Variants in ITGB5 observed in about 807,000 individuals in gnomAD.
ITGB5 encodes the protein integrin beta-5.
A neutral mutation model predicts 84.8 loss-of-function variants in ITGB5; 38 were observed. That is an observed-to-expected ratio of 0.45 (90% CI 0.35 to 0.59). The LOEUF is 0.59. ITGB5 is among the 20% of genes least tolerant of loss of function. The probability of loss-of-function intolerance (pLI) is 0.01; values close to 1 mark genes in which losing one functional copy is unlikely to be tolerated. For missense variants in ITGB5, 905 were observed against 1,034.5 expected (o/e 0.87, Z 1.72); for synonymous variants, 393 against 414.4 (o/e 0.95, Z 0.63).
chr3:124,791,628 A>AATC (rs1247376495), intron 10 of ITGB5: 4 of 152,324 alleles, frequency 2.6e-5, no homozygotes, highest in African/African-American at 7.2e-5. Flanking sequence ...CCCCACTCTG[A>AATC]AGACAGACCA....
chr3:124,816,819 G>A (rs2064605059), intron 8 of ITGB5, among the ~76,000 whole-genome samples: 1 of 152,144 alleles, frequency 6.6e-6, no homozygotes, highest in East Asian at 1.9e-4. Context: ...TTATATTAGG[G>A]CCAATTTCAC....
chr3:124,813,422 ACAGGTGAAGGG>A (rs1438176828), intron 8 of ITGB5, among the ~76,000 whole-genome samples: 1 of 152,112 alleles, frequency 6.6e-6, no homozygotes, highest in Non-Finnish European at 1.5e-5. Flanking sequence ...GTCAGGTCCC[ACAGGTGAAGGG>A]CTCAGCCCAC....
At chr3:124,886,259 T>C (rs540078299) in intron 1 of ITGB5, among the ~76,000 whole-genome samples, 1 of 149,878 alleles carries the variant, frequency 6.7e-6, no homozygotes, top group Non-Finnish European at 1.5e-5. Flanking sequence ...AGGAATTTAA[T>C]AGGGAAGTCC....
upstream of ITGB5, among the ~76,000 whole-genome samples, chr3:124,889,589 CATGTTTGTTTTG>C (rs1454662655): frequency 6.6e-6 from 1 of 152,190 alleles, no homozygotes; most frequent in African/African-American, 2.4e-5. Context: ...ATAATATCCT[CATGTTTGTTTTG>C]ATGTAAAACG....
chr3:124,786,578 G>T (rs1274923934), intron 10 of ITGB5, among the ~76,000 whole-genome samples: 1 of 152,214 alleles, frequency 6.6e-6, no homozygotes, highest in East Asian at 1.9e-4. Context: ...GTGACAGCAG[G>T]TTCCCTCCTC....
intron 5 of ITGB5, 117 bp from the exon 6 acceptor site, chr3:124,821,591 C>CA (rs2107560597): frequency 9.0e-7 from 1 of 1,116,296 alleles, no homozygotes; most frequent in African/African-American, 1.5e-5. Context: ...TTCCCCTTGC[C>CA]ATGTGTACCT....
chr3:124,888,410 G>T (rs1193256276), upstream of ITGB5, among the ~76,000 whole-genome samples: 1 of 152,108 alleles, frequency 6.6e-6, no homozygotes, highest in African/African-American at 2.4e-5. Context: ...GAGTGGGGTG[G>T]GGTCTTCCTC....
intron 9 of ITGB5, among the ~76,000 whole-genome samples, chr3:124,807,810 C>T (rs1025811503): frequency 2.6e-5 from 4 of 151,254 alleles, no homozygotes; most frequent in African/African-American, 9.7e-5. Context: ...GCCGGGCTGG[C>T]GGGCGCCTGT....
At chr3:124,846,829 G>A (rs927078465) in intron 4 of ITGB5, among the ~76,000 whole-genome samples, 4 of 152,292 alleles carry the variant, frequency 2.6e-5, no homozygotes, top group Admixed American at 1.3e-4. Flanking sequence ...AGCTACTCAG[G>A]AGACTGGGGC....
chr3:124,781,437 A>G (rs547871215), intron 10 of ITGB5: 10 of 152,424 alleles, frequency 6.6e-5, no homozygotes, highest in East Asian at 5.8e-4. Flanking sequence ...CCCCACAGCA[A>G]TATGCCCATC....
intron 12 of ITGB5, 126 bp from the exon 13 acceptor site, chr3:124,766,471 A>T: frequency 1.8e-6 from 2 of 1,134,616 alleles, no homozygotes; most frequent in South Asian, 3.1e-5. Context: ...AGAAAATCTT[A>T]AGGGGAGGCT....
At chr3:124,775,649 A>G (rs910824126) in intron 10 of ITGB5, among the ~76,000 whole-genome samples, 8 of 152,042 alleles carry the variant, frequency 5.3e-5, no homozygotes, top group Non-Finnish European at 1.0e-4. Flanking sequence ...GCTGAGCACC[A>G]CTCATCAACT....
upstream of ITGB5, chr3:124,887,909 C>A: frequency 1.4e-5 from 3 of 216,618 alleles, no homozygotes; most frequent in South Asian, 1.5e-4. Flanking sequence ...ACCTACATTT[C>A]TTTTTCTTTT....
chr3:124,769,168 C>T, intron 11 of ITGB5, 55 bp from the exon 12 acceptor site: 1 of 1,429,644 alleles, frequency 7.0e-7, no homozygotes, highest in Non-Finnish European at 9.8e-7. Flanking sequence ...CAGTCCCACA[C>T]CTGTCCCTGA....
intron 9 of ITGB5, among the ~76,000 whole-genome samples, chr3:124,797,324 G>A (rs2064246001): frequency 6.6e-6 from 1 of 152,174 alleles, no homozygotes; most frequent in South Asian, 2.1e-4. Flanking sequence ...CATAGAGAGG[G>A]CTCTGTGCCT....
intron 9 of ITGB5, among the ~76,000 whole-genome samples, chr3:124,804,281 T>C (rs1434517633): frequency 6.6e-6 from 1 of 152,168 alleles, no homozygotes; most frequent in African/African-American, 2.4e-5. Context: ...CCCAGTAGTT[T>C]GGGAGGTCGA....
chr3:124,886,856 C>G, intron 1 of ITGB5, 75 bp downstream of exon 1: 1 of 957,814 alleles, frequency 1.0e-6, no homozygotes, highest in South Asian at 5.1e-5. Context: ...CTGCGCTCCC[C>G]GCCCCTCCGA....
At position 124,796,469 on chromosome 3, in the gene ITGB5, T is replaced by A; in HGVS notation, c.1612A>T (p.Ser538Cys). Residue 538 changes from serine (S) to cysteine (C), a missense_variant, in exon 10 of 15, where the codon AGC becomes TGC. Coordinates refer to ENST00000296181, the MANE Select transcript of ITGB5 (RefSeq NM_002213.5). ...CSCNQCSCFESEFGKIYGPFC... is the reference protein window; with the variant it reads ...CSCNQCSCFECEFGKIYGPFC... ...GGCCCATAGATCTTGCCAAACTCGCTCTCGAAGCAGGAGCACTGGTTGCAG... is the reference window on the plus strand; with the variant it reads ...GGCCCATAGATCTTGCCAAACTCGCACTCGAAGCAGGAGCACTGGTTGCAG... 1 of 1,614,106 alleles carries A rather than the reference T, an allele frequency of 6.2e-7. No homozygotes were observed. The highest frequency in any genetic ancestry group is 8.5e-7 in the Non-Finnish European group (1 of 1,180,018).
chr3:124,864,070 G>GA (rs2065347028), intron 2 of ITGB5, among the ~76,000 whole-genome samples: 3 of 121,494 alleles, frequency 2.5e-5, no homozygotes, highest in Non-Finnish European at 5.3e-5. Flanking sequence ...AAGAAAGAAA[G>GA]AAAAAATGTC....
Sources: allele counts gnomAD v4.1 joint callset (sites outside exome capture counted in the v4.1 genomes callset), GRCh38; gene constraint gnomAD v4.1.1; transcripts MANE v1.5; gene names NCBI Gene and HGNC (gene_info 2026-07-23, HGNC 2026-07-21).